Variants in ASH2L observed in about 807,000 individuals in gnomAD.
ASH2L encodes set1/Ash2 histone methyltransferase complex subunit ASH2.
ASH2L carries 30 observed loss-of-function variants against 81.1 expected under a neutral mutation model. The observed-to-expected ratio is 0.37, with a 90% CI of 0.28 to 0.50. The LOEUF (loss-of-function observed/expected upper bound fraction) is 0.50, where lower values mean the gene tolerates loss of function less well. ASH2L is among the 20% of genes least tolerant of loss of function. The probability of loss-of-function intolerance (pLI) is 0.95; values close to 1 mark genes in which losing one functional copy is unlikely to be tolerated. For missense variants in ASH2L, 559 were observed against 792.1 expected, an observed-to-expected ratio of 0.71 and a Z score of 3.53; for synonymous variants, 273 against 279.9, an observed-to-expected ratio of 0.98 and a Z score of 0.24.
Position 38,116,666 on chromosome 8 carries a change from G to A in ASH2L, c.794G>A (p.Gly265Asp). 1.2e-6 allele frequency: 2 copies of A among 1,612,728 alleles called. No homozygotes were observed. The highest frequency in any genetic ancestry group is 1.3e-5 in the African/African-American group (1 of 74,958). The change falls in exon 8 of 16, where the codon GGT becomes GAT. Residue 265 changes from glycine to aspartate, a missense_variant. This residue lies in a region of ASH2L where 318 missense variants were observed against 527.0 expected (regional missense o/e 0.60). Coordinates refer to ENST00000343823, the MANE Select transcript of ASH2L (RefSeq NM_004674.5). The stretch of plus-strand genomic sequence containing the variant: ...TTTTTGCAGGACCTTAGTAACATTG[G>A]TCCTGCTTATGACAACCAAAAACAG... ...GLLDQDLSNIGPAYDNQKQSS... is the reference protein window; with the variant it reads ...GLLDQDLSNIDPAYDNQKQSS...
Position 38,128,470 on chromosome 8 carries a change from C to A in ASH2L, c.1333+12C>A. On this transcript the variant is annotated intron_variant, in intron 11 of 15. Coordinates refer to ENST00000343823, the MANE Select transcript of ASH2L (RefSeq NM_004674.5). ...GTCCCAGCCCCTAGGTAAGCTGGGG[C>A]CTTAATATGGACATCACAGCAGATA... 3 of 1,612,664 alleles carry A rather than the reference C, an allele frequency of 1.9e-6. No homozygotes were observed. The highest frequency in any genetic ancestry group is 2.5e-6 in the Non-Finnish European group (3 of 1,179,510).
chr8:38,106,926 G>A (rs1810459647), intron 2 of ASH2L, 95 bp from the exon 3 acceptor site: 1 of 1,470,162 alleles, frequency 6.8e-7, no homozygotes, highest in African/African-American at 1.4e-5. Context: ...AGACCAGCCT[G>A]GGCAACATAG....
rs546149605 is a variant in ASH2L, at chr8:38,120,170, A to T, written c.948-762A>T. ...GTTTAAGTGTCATGTTTTACATTTA[A>T]GTGTACATACATTTGTTAGTACAAA... On this transcript the variant is annotated intron_variant, in intron 9 of 15. Transcript: ENST00000343823. 2.0e-4 allele frequency among the ~76,000 whole-genome samples: 30 copies of T among 152,314 alleles called. 2 individuals are homozygous for T. The South Asian group carries it at 3.7e-3, about 19-fold the overall frequency.
chr8:38,105,512 G>A (rs910344040), upstream of ASH2L: 12 of 1,508,184 alleles, frequency 8.0e-6, no homozygotes, highest in African/African-American at 1.7e-4. Flanking sequence ...GCGCGCGAGA[G>A]AAGAGAGTAT....
At position 38,116,660 on chromosome 8, in the gene ASH2L, A is replaced by G. The variant is rs1810915811; in HGVS notation, c.788A>G (p.Asn263Ser). The G allele has an allele frequency of 2.5e-6, 4 of 1,611,706 alleles. No individual in the cohort carries two copies. The highest frequency in any genetic ancestry group is 1.6e-4 in the Middle Eastern group (1 of 6,076). ...KFGLLDQDLS[N>S]IGPAYDNQKQ... ...GATGTATTTTTGCAGGACCTTAGTAACATTGGTCCTGCTTATGACAACCAA... is the reference window on the plus strand; with the variant it reads ...GATGTATTTTTGCAGGACCTTAGTAGCATTGGTCCTGCTTATGACAACCAA... Residue 263 changes from asparagine (N) to serine (S), a missense_variant, in exon 8 of 16, where the codon AAC (asparagine) becomes AGC (serine). Transcript: ENST00000343823.
intron 8 of ASH2L, among the ~76,000 whole-genome samples, chr8:38,118,357 C>CA (rs1810994406): frequency 6.6e-6 from 1 of 152,114 alleles, no homozygotes; most frequent in Non-Finnish European, 1.5e-5. Context: ...GGGACATTTC[C>CA]TGGAAGAGGG....
chr8:38,139,190 CAAGT>C lies in ASH2L; in HGVS notation c.*120_*123del. On this transcript the variant is annotated 3_prime_UTR_variant, in exon 16 of 16. Coordinates refer to ENST00000343823, the MANE Select transcript of ASH2L (RefSeq NM_004674.5). Reference sequence around the variant, plus strand: ...CTAAAAACACAGCCTCTCCTTTTAGCAAGTTAAAAGGCTGGGTAGGACTGCGGGA... The same window carrying C: ...CTAAAAACACAGCCTCTCCTTTTAGCTAAAAGGCTGGGTAGGACTGCGGGA... 2.4e-6 allele frequency: 2 copies of C among 840,134 alleles called. No individual in the cohort carries two copies. The highest frequency in any genetic ancestry group is 3.6e-6 in the Non-Finnish European group (2 of 552,752). The allele number at this position is 840,134 out of a possible 1,614,324, so 52.0% of individuals were successfully genotyped here.
At chr8:38,110,664 C>A in intron 4 of ASH2L, 75 bp from the exon 5 acceptor site, 2 of 1,298,874 alleles carry the variant, frequency 1.5e-6, no homozygotes, top group Non-Finnish European at 2.2e-6. Context: ...TTTTCTGGAC[C>A]ACTTATCGAG....
chr8:38,132,079 C>G lies in ASH2L; in HGVS notation c.1528-1375C>G, dbSNP rs117519937. 0.011 allele frequency among the ~76,000 whole-genome samples: 1,718 copies of G among 152,204 alleles called. 121 individuals are homozygous for G. The East Asian group carries it at 0.15, about 13-fold the overall frequency. On this transcript the variant is annotated intron_variant, in intron 12 of 15. Coordinates refer to ENST00000343823, the MANE Select transcript of ASH2L (RefSeq NM_004674.5). ...GGCCAGGCTGATCTCAAATTCCTGGCCTCGTGATCTGCCTGCCTCAGCCTC... is the reference window on the plus strand; with the variant it reads ...GGCCAGGCTGATCTCAAATTCCTGGGCTCGTGATCTGCCTGCCTCAGCCTC...
chr8:38,131,717 A>G (rs1802066300), intron 12 of ASH2L, among the ~76,000 whole-genome samples: 2 of 152,240 alleles, frequency 1.3e-5, no homozygotes, highest in African/African-American at 4.8e-5. Context: ...TCTATTCAAA[A>G]GCCGCATATA....
chr8:38,138,346 T>A (rs1802351713), intron 14 of ASH2L: 1 of 156,710 alleles, frequency 6.4e-6, no homozygotes, highest in Admixed American at 6.3e-5. Flanking sequence ...GGTATGGTCA[T>A]CCACATGTTG....
At chr8:38,105,764 G>T in intron 1 of ASH2L, 26 bp downstream of exon 1, 1 of 1,501,850 alleles carries the variant, frequency 6.7e-7, no homozygotes, top group Non-Finnish European at 8.9e-7. Context: ...GCCCGAGGAA[G>T]ACGCGGGAGG....
rs773038287 is a variant in ASH2L at position 38,107,001 on chromosome 8, C to T, written c.256-20C>T. 20 of 1,613,256 alleles carry T rather than the reference C, an allele frequency of 1.2e-5. No homozygotes were observed. The highest frequency in any genetic ancestry group is 1.6e-4 in the Middle Eastern group (1 of 6,076). On this transcript the variant is annotated intron_variant, in intron 2 of 15. Transcript: ENST00000343823. ...TACATTCAAGTCAACTGATTTGAGTCTCGAACTGCTCTGACACAGGAAGGT... is the reference window on the plus strand; with the variant it reads ...TACATTCAAGTCAACTGATTTGAGTTTCGAACTGCTCTGACACAGGAAGGT...
chr8:38,110,356 C>T lies in ASH2L; in HGVS notation c.402-23C>T, dbSNP rs1034004127. ...GTGTGTGTTCACAAGTTCACTAATT[C>T]GTATAATTTGGCTCTTCGGCAGATC... On this transcript the variant is annotated intron_variant, in intron 3 of 15. Coordinates refer to ENST00000343823, the MANE Select transcript of ASH2L (RefSeq NM_004674.5). The T allele has an allele frequency of 6.4e-6, 10 of 1,561,820 alleles. No homozygotes were observed. In the African/African-American group the frequency reaches 6.8e-5, roughly 11 times the overall value.
rs1801948583 is a variant in ASH2L at position 38,128,661 on chromosome 8, A to G, written c.1334-97A>G. 9 of 1,537,180 alleles carry G rather than the reference A, an allele frequency of 5.9e-6. 1 individual carries two copies. The South Asian group carries it at 1.1e-4, about 19-fold the overall frequency. On this transcript the variant is annotated intron_variant, in intron 11 of 15. Transcript: ENST00000343823. The stretch of plus-strand genomic sequence containing the variant: ...GTTTTTAAGCAATTTTACAAAATTG[A>G]CCAAAAAACATAAAAAGAAATAGGA...
intron 1 of ASH2L, 176 bp from the exon 2 acceptor site, chr8:38,106,202 C>G: frequency 6.8e-7 from 1 of 1,460,062 alleles, no homozygotes. Flanking sequence ...GACTGTCTGA[C>G]ATGTCCACCT....
chr8:38,121,032 C>A lies in ASH2L; in HGVS notation c.1048C>A (p.Pro350Thr). Residue 350 changes from proline (P) to threonine (T), a missense_variant, in exon 10 of 16, where the codon CCG (proline) becomes ACG (threonine). Coordinates refer to ENST00000343823, the MANE Select transcript of ASH2L (RefSeq NM_004674.5). ...TCGGTATATTCTAGCTGAGCCTGATCCGCACGCCCCTGACCCCGAGAAGCT... is the reference window on the plus strand; with the variant it reads ...TCGGTATATTCTAGCTGAGCCTGATACGCACGCCCCTGACCCCGAGAAGCT... ...GYRYILAEPDPHAPDPEKLEL... is the reference protein window; with the variant it reads ...GYRYILAEPDTHAPDPEKLEL... 6.2e-7 allele frequency: 1 copy of A among 1,613,810 alleles called. No individual in the cohort carries two copies. The highest frequency in any genetic ancestry group is 1.3e-5 in the African/African-American group (1 of 74,916).
chr8:38,126,709 C>T (rs1022134322), intron 10 of ASH2L, among the ~76,000 whole-genome samples: 2 of 151,584 alleles, frequency 1.3e-5, no homozygotes, highest in African/African-American at 2.4e-5. Flanking sequence ...AAAAAATTAG[C>T]CGGGCGTGGT....
In ASH2L at chr8:38,135,997, G is replaced by T. The variant is rs959040258; in HGVS notation, c.1719+231G>T. On this transcript the variant is annotated intron_variant, in intron 14 of 15. Transcript: ENST00000343823. ...TGCGCCATACTTTTCCCTTGAGCAC[G>T]TGGTGTGGTGTTACCGTTCAGTAGG... is the stretch of plus-strand genomic sequence containing the variant. 2.2e-4 allele frequency among the ~76,000 whole-genome samples: 33 copies of T among 151,968 alleles called. 1 individual carries two copies. Among genetic ancestry groups the T allele is most frequent in the African/African-American group, 8.0e-4 (33 of 41,372 alleles).
Sources: gnomAD v4.1 joint callset for allele counts (sites outside exome capture counted in the v4.1 genomes callset) on GRCh38, gnomAD v4.1.1 for gene constraint, gnomAD v4.1.1 regional missense constraint, MANE v1.5 for transcripts, NCBI Gene and HGNC (gene_info 2026-07-23, HGNC 2026-07-21) for gene names.